GALNTL6: variants seen among roughly 807,000 people sequenced by gnomAD.
The protein encoded by GALNTL6 is polypeptide N-acetylgalactosaminyltransferase-like 6.
A neutral mutation model predicts 73.7 loss-of-function variants in GALNTL6; 46 were observed. The observed-to-expected ratio is 0.62, with a 90% CI of 0.49 to 0.80. The LOEUF (loss-of-function observed/expected upper bound fraction) is 0.80, where lower values mean the gene tolerates loss of function less well. GALNTL6 is among the 30% of genes least tolerant of loss of function. The pLI is 0.00. For synonymous variants in GALNTL6, 259 were observed against 263.7 expected (o/e 0.98, Z 0.17); for missense variants, 604 against 755.0 (o/e 0.80, Z 2.34).
chr4:172,556,353 AT>A (rs1736140892), intron 5 of GALNTL6, among the ~76,000 whole-genome samples: 1 of 152,068 alleles, frequency 6.6e-6, no homozygotes. Context: ...ACTAAAAAAA[AT>A]GAAGTCCTTA....
intron 10 of GALNTL6, among the ~76,000 whole-genome samples, chr4:172,964,236 C>T (rs1368013238): frequency 2.6e-5 from 4 of 152,290 alleles, no homozygotes; most frequent in South Asian, 4.1e-4. Flanking sequence ...CTATTATTTT[C>T]GCCTTCTCCT....
rs185227401 is a variant in GALNTL6, at chr4:171,922,393, T to C, written c.138+107675T>C. ...ATAACAACCTCCAGAAAGTGAATCATTGCTGCTATAACTTGATAACAATGT... is the reference window on the plus strand; with the variant it reads ...ATAACAACCTCCAGAAAGTGAATCACTGCTGCTATAACTTGATAACAATGT... On this transcript the variant is annotated intron_variant, in intron 2 of 12. Coordinates refer to ENST00000506823, the MANE Select transcript of GALNTL6 (RefSeq NM_001034845.3). Among the ~76,000 whole-genome samples, 71 of 152,272 alleles carry C rather than the reference T, an allele frequency of 4.7e-4. No individual in the cohort carries two copies. In the East Asian group the frequency reaches 0.011, roughly 23 times the overall value.
intron 7 of GALNTL6, among the ~76,000 whole-genome samples, chr4:172,850,956 C>T (rs1743783249): frequency 6.6e-6 from 1 of 152,132 alleles, no homozygotes; most frequent in South Asian, 2.1e-4. Context: ...ACCACATGTT[C>T]AGTGATTCAG....
At chr4:172,734,094 T>A (rs1420110520) in intron 5 of GALNTL6, among the ~76,000 whole-genome samples, 2 of 152,210 alleles carry the variant, frequency 1.3e-5, no homozygotes, top group Non-Finnish European at 2.9e-5. Context: ...TAAAGGTCAC[T>A]CTTGCTATGC....
intron 5 of GALNTL6, among the ~76,000 whole-genome samples, chr4:172,390,214 G>A (rs760662204): frequency 1.3e-5 from 2 of 151,916 alleles, no homozygotes; most frequent in African/African-American, 2.4e-5. Context: ...TTTTTCAAAC[G>A]TTGTAATCTA....
intron 2 of GALNTL6, among the ~76,000 whole-genome samples, chr4:172,209,811 A>G (rs1306299339): frequency 3.3e-5 from 5 of 152,088 alleles, no homozygotes; most frequent in Admixed American, 6.5e-5. Flanking sequence ...CATTTTGCTG[A>G]ATAGATTTCT....
intron 5 of GALNTL6, among the ~76,000 whole-genome samples, chr4:172,471,960 A>G (rs1733068722): frequency 1.3e-5 from 2 of 152,196 alleles, no homozygotes; most frequent in Admixed American, 6.5e-5. Flanking sequence ...ATATCCAACA[A>G]TGTAACAGTC....
At chr4:172,159,337 A>T (rs1023749458) in intron 2 of GALNTL6, among the ~76,000 whole-genome samples, 1 of 152,206 alleles carries the variant, frequency 6.6e-6, no homozygotes, top group Non-Finnish European at 1.5e-5. Context: ...CCCTTTGAGG[A>T]CATGCAGATA....
chr4:172,634,687 A>G (rs2111105011), intron 5 of GALNTL6, among the ~76,000 whole-genome samples: 1 of 152,334 alleles, frequency 6.6e-6, no homozygotes, highest in South Asian at 2.1e-4. Flanking sequence ...AAATTTATTT[A>G]TGTTTAATAA....
intron 11 of GALNTL6, among the ~76,000 whole-genome samples, chr4:173,015,699 G>A (rs1278125301): frequency 2.6e-5 from 4 of 152,134 alleles, no homozygotes; most frequent in Admixed American, 1.3e-4. Flanking sequence ...AGGAAGCAGA[G>A]CACAAAATTT....
chr4:172,737,914 C>T (rs1176320677), intron 5 of GALNTL6, among the ~76,000 whole-genome samples: 1 of 152,148 alleles, frequency 6.6e-6, no homozygotes, highest in African/African-American at 2.4e-5. Flanking sequence ...ATTCTGGCAT[C>T]ATGGGAAGCT....
chr4:172,465,303 C>A (rs748775802), intron 5 of GALNTL6, among the ~76,000 whole-genome samples: 28 of 151,960 alleles, frequency 1.8e-4, no homozygotes, highest in Non-Finnish European at 3.7e-4. Context: ...CGGTGAAACC[C>A]CATCTCTACT....
At chr4:172,687,625 CAAA>C (rs34724807) in intron 5 of GALNTL6, among the ~76,000 whole-genome samples, 282 of 129,082 alleles carry the variant, frequency 2.2e-3, no homozygotes, top group Non-Finnish European at 2.2e-3. Flanking sequence ...AAGACTGTCT[CAAA>C]AAAAAAAAAA....
intron 2 of GALNTL6, among the ~76,000 whole-genome samples, chr4:172,023,846 T>A (rs1009778708): frequency 6.6e-6 from 1 of 151,888 alleles, no homozygotes; most frequent in Non-Finnish European, 1.5e-5. Context: ...ACAAATACAT[T>A]TATGGCAGTG....
intron 5 of GALNTL6, among the ~76,000 whole-genome samples, chr4:172,747,259 C>T (rs1175034413): frequency 6.6e-6 from 1 of 151,908 alleles, no homozygotes; most frequent in Non-Finnish European, 1.5e-5. Flanking sequence ...GTTTGCAAAT[C>T]ATATATTGGA....
chr4:172,139,521 T>C (rs1733749417), intron 2 of GALNTL6, among the ~76,000 whole-genome samples: 1 of 152,222 alleles, frequency 6.6e-6, no homozygotes, highest in Non-Finnish European at 1.5e-5. Flanking sequence ...GGGGTATTAA[T>C]GTAACCTTAG....
intron 5 of GALNTL6, among the ~76,000 whole-genome samples, chr4:172,613,114 A>T (rs1238514287): frequency 6.6e-6 from 1 of 152,172 alleles, no homozygotes; most frequent in Non-Finnish European, 1.5e-5. Context: ...CTTAAAAGGT[A>T]GATAAGGCCT....
At chr4:172,787,596 T>C (rs564340729) in intron 5 of GALNTL6, among the ~76,000 whole-genome samples, 13 of 152,300 alleles carry the variant, frequency 8.5e-5, no homozygotes, top group East Asian at 1.9e-4. Context: ...GGCAATGAGA[T>C]GGAATACAGA....
Position 171,867,964 on chromosome 4 carries a change from T to G in GALNTL6, c.138+53246T>G, listed in dbSNP as rs186233192. ...TCTTTGTTTAACCTTTGGGTTTAAA[T>G]CTAGAAATCTTTAATTTTGAGGTGC... On this transcript the variant is annotated intron_variant, in intron 2 of 12. Coordinates refer to ENST00000506823, the MANE Select transcript of GALNTL6 (RefSeq NM_001034845.3). Among the ~76,000 whole-genome samples the G allele has an allele frequency of 2.7e-5, 4 of 150,650 alleles. No individual in the cohort carries two copies. In the East Asian group the frequency reaches 7.9e-4, roughly 30 times the overall value.
Sources: allele counts gnomAD v4.1 joint callset (sites outside exome capture counted in the v4.1 genomes callset), GRCh38; gene constraint gnomAD v4.1.1; transcripts MANE v1.5; gene names NCBI Gene and HGNC (gene_info 2026-07-23, HGNC 2026-07-21).